TMEM43: variants seen among roughly 807,000 people sequenced by gnomAD.
TMEM43 encodes the protein transmembrane protein 43, also known as arrhythmogenic right ventricular dysplasia 5.
Under a neutral mutation model 49.6 loss-of-function variants are expected in TMEM43, and 45 were observed. The ratio of observed to expected loss-of-function variants is 0.91; its 90% CI spans 0.71 to 1.16. The LOEUF is 1.16. TMEM43 is among the 50% of genes most tolerant of loss of function. TMEM43 has a pLI of 0.00. For synonymous variants in TMEM43, 199 were observed against 207.8 expected (o/e 0.96, Z 0.36); for missense variants, 532 against 516.6 (o/e 1.03, Z -0.29).
chr3:14,133,673 A>C, intron 6 of TMEM43, 66 bp from the exon 7 acceptor site: 1 of 1,512,072 alleles, frequency 6.6e-7, no homozygotes, highest in Non-Finnish European at 9.2e-7. Context: ...CAGCACAAAC[A>C]ACCCAAAGGG....
At position 14,125,083 on chromosome 3, in the gene TMEM43, G is replaced by T; in HGVS notation, c.-111G>T. The T allele has an allele frequency of 1.4e-6, 2 of 1,426,978 alleles. No homozygotes were observed. Among genetic ancestry groups the T allele is most frequent in the Non-Finnish European group, 1.9e-6 (2 of 1,033,220 alleles). The allele number at this position is 1,426,978 out of a possible 1,614,324, so 88.4% of individuals were successfully genotyped here. On this transcript the variant is annotated 5_prime_UTR_variant, in exon 1 of 12. Transcript: ENST00000306077. ...AGTCCCGCTTGGCCCTGGAGTCCACGCGGATTTTCGAAGCTGGGGCTGGCA... is the reference window on the plus strand; with the variant it reads ...AGTCCCGCTTGGCCCTGGAGTCCACTCGGATTTTCGAAGCTGGGGCTGGCA...
chr3:14,136,130 A>C, intron 10 of TMEM43: 1 of 636,776 alleles, frequency 1.6e-6, no homozygotes, highest in Non-Finnish European at 2.9e-6. Flanking sequence ...ACATAATGAG[A>C]TCTCTTGGGG....
intron 1 of TMEM43, among the ~76,000 whole-genome samples, chr3:14,127,395 A>G (rs1429832520): frequency 1.3e-5 from 2 of 152,120 alleles, no homozygotes; most frequent in African/African-American, 4.8e-5. Context: ...GCCCAAGAGG[A>G]AGACACGCCT....
In TMEM43 at chr3:14,141,917, C is replaced by G; in HGVS notation, c.*122C>G. The G allele has an allele frequency of 1.1e-6, 1 of 925,550 alleles. No homozygotes were observed. Among genetic ancestry groups the G allele is most frequent in the African/African-American group, 1.7e-5 (1 of 60,442 alleles). The allele number at this position is 925,550 out of a possible 1,614,324, so 57.3% of individuals were successfully genotyped here. On this transcript the variant is annotated 3_prime_UTR_variant, in exon 12 of 12. Transcript: ENST00000306077. The stretch of plus-strand genomic sequence containing the variant: ...CAATTTTGGACTCTGCACTCCCTCT[C>G]CTCTTCAGGGGCCAGACTTGGCAGC...
At chr3:14,131,059 T>A (rs867712571) in intron 3 of TMEM43, 103 bp downstream of exon 3, 1 of 1,437,474 alleles carries the variant, frequency 7.0e-7, no homozygotes, top group South Asian at 1.3e-5. Flanking sequence ...TGGTCACACA[T>A]GGGAGTGATT....
At chr3:14,134,659 T>C in intron 7 of TMEM43, 111 bp from the exon 8 acceptor site, 1 of 1,414,858 alleles carries the variant, frequency 7.1e-7, no homozygotes, top group Non-Finnish European at 1.0e-6. Context: ...CAGGTGGGAG[T>C]GCCACGTGTG....
chr3:14,135,099 A>T (rs1695150063), intron 8 of TMEM43, 59 bp from the exon 9 acceptor site: 1 of 1,547,020 alleles, frequency 6.5e-7, no homozygotes, highest in African/African-American at 1.4e-5. Context: ...GGCATCCTGG[A>T]CCTGGGCCTG....
chr3:14,128,738 T>C (rs1166501363), intron 1 of TMEM43: 1 of 258,992 alleles, frequency 3.9e-6, no homozygotes, highest in Non-Finnish European at 7.7e-6. Flanking sequence ...AAGTTAAACG[T>C]ACATCTTCTT....
intron 10 of TMEM43, among the ~76,000 whole-genome samples, chr3:14,136,790 C>T (rs1695176135): frequency 6.7e-6 from 1 of 149,456 alleles, no homozygotes; most frequent in Non-Finnish European, 1.5e-5. Flanking sequence ...CTGAGTATCC[C>T]TCTCCCATTG....
rs1695116123 is a variant in TMEM43 at position 14,132,896 on chromosome 3, G to A, written c.473G>A (p.Ser158Asn). ...GAATGGAGGTCAGAAATCATCAACAGCAAAAACTTCGACCGAGAGATTGGC... is the reference window on the plus strand; with the variant it reads ...GAATGGAGGTCAGAAATCATCAACAACAAAAACTTCGACCGAGAGATTGGC... ...NTEWRSEIINSKNFDREIGHK... is the reference protein window; with the variant it reads ...NTEWRSEIINNKNFDREIGHK... Residue 158 changes from serine to asparagine, a missense_variant, in exon 6 of 12, where the codon AGC becomes AAC. Transcript: ENST00000306077. The A allele has an allele frequency of 6.2e-7, 1 of 1,614,054 alleles. No homozygotes were observed. The highest frequency in any genetic ancestry group is 1.7e-5 in the Admixed American group (1 of 60,024).
At chr3:14,126,412 A>G (rs1695022202) in intron 1 of TMEM43, among the ~76,000 whole-genome samples, 1 of 152,128 alleles carries the variant, frequency 6.6e-6, no homozygotes, top group African/African-American at 2.4e-5. Context: ...AGGGGAAGGC[A>G]CTTGCCCAAG....
rs1286460584 is a variant in TMEM43 at position 14,125,246 on chromosome 3, C to T, written c.12+41C>T. On this transcript the variant is annotated intron_variant, in intron 1 of 11. Coordinates refer to ENST00000306077, the MANE Select transcript of TMEM43 (RefSeq NM_024334.3). The stretch of plus-strand genomic sequence containing the variant: ...CCAGCCGGGCCACACCCAGGCTTCC[C>T]CGTCGCCCTGGGGCTTTTCCCCGGG... 7 of 1,589,480 alleles carry T rather than the reference C, an allele frequency of 4.4e-6. No individual in the cohort carries two copies. The South Asian group carries it at 5.7e-5, about 13-fold the overall frequency.
intron 1 of TMEM43, among the ~76,000 whole-genome samples, 171 bp from the exon 2 acceptor site, chr3:14,129,241 C>T (rs1286310623): frequency 7.5e-6 from 1 of 133,520 alleles, no homozygotes; most frequent in African/African-American, 2.9e-5. Flanking sequence ...ATGGAATATA[C>T]GTTTGTGGAA....
rs990243563 is a variant in TMEM43 at position 14,139,186 on chromosome 3, T to A, written c.889T>A (p.Phe297Ile). The A allele has an allele frequency of 3.7e-6, 6 of 1,613,612 alleles. No homozygotes were observed. The highest frequency in any genetic ancestry group is 5.1e-6 in the Non-Finnish European group (6 of 1,179,516). Residue 297 changes from phenylalanine (F) to isoleucine (I), a missense_variant, in exon 11 of 12, where the codon TTT becomes ATT. Phe to Ile is a conservative substitution (Grantham distance 21, BLOSUM62 0). Transcript: ENST00000306077. ...CCCCCACCTTGTCCTGCAGGAGGTG[T>A]TTCATAGAGAACTAAGGAGCAACTC... Reference protein sequence around the residue: ...HHGDFSAEEVFHRELRSNSMK... With the variant: ...HHGDFSAEEVIHRELRSNSMK...
chr3:14,131,920 T>C (rs1473920793), intron 4 of TMEM43, among the ~76,000 whole-genome samples: 1 of 152,202 alleles, frequency 6.6e-6, no homozygotes, highest in Non-Finnish European at 1.5e-5. Context: ...GTTCCAGAGA[T>C]GCACAAGCTT....
chr3:14,134,451 A>T (rs1305980792), intron 7 of TMEM43, among the ~76,000 whole-genome samples: 2 of 152,148 alleles, frequency 1.3e-5, no homozygotes, highest in Non-Finnish European at 2.9e-5. Context: ...GCCTGCCCTC[A>T]AGTAGCTCTC....
intron 9 of TMEM43, 120 bp from the exon 10 acceptor site, chr3:14,135,687 C>T (rs1695159182): frequency 1.3e-6 from 1 of 748,662 alleles, no homozygotes; most frequent in African/African-American, 1.7e-5. Flanking sequence ...GAGAGAAGCC[C>T]CAGGGTTTCT....
rs76785718 is a variant in TMEM43, at chr3:14,132,272, A to C, written c.393-274A>C. ...GATGCAGCCAGATCTCTGAGCCCAA[A>C]GGGCAGGGCTGGGCCCCTTGGTGTA... On this transcript the variant is annotated intron_variant, in intron 4 of 11. Coordinates refer to ENST00000306077, the MANE Select transcript of TMEM43 (RefSeq NM_024334.3). 3.4e-3 allele frequency among the ~76,000 whole-genome samples: 520 copies of C among 152,282 alleles called. 2 individuals carry two copies. The highest frequency in any genetic ancestry group is 0.012 in the African/African-American group (506 of 41,564).
At chr3:14,125,863 C>A (rs1027450696) in intron 1 of TMEM43, among the ~76,000 whole-genome samples, 3 of 152,188 alleles carry the variant, frequency 2.0e-5, no homozygotes, top group Admixed American at 6.5e-5. Flanking sequence ...CTTCTCCCTG[C>A]AACTAGCCTT....
Sources: gnomAD v4.1 joint callset for allele counts (sites outside exome capture counted in the v4.1 genomes callset) on GRCh38, gnomAD v4.1.1 for gene constraint, MANE v1.5 for transcripts, NCBI Gene and HGNC (gene_info 2026-07-23, HGNC 2026-07-21) for gene names.